SPIDR: variants seen among roughly 807,000 people sequenced by gnomAD.
SPIDR encodes scaffold protein involved in DNA repair, also known as DNA repair-scaffolding protein.
Under a neutral mutation model 104.6 loss-of-function variants are expected in SPIDR, and 93 were observed. That is an observed-to-expected ratio of 0.89 (90% CI 0.75 to 1.06). The LOEUF is 1.06. SPIDR is among the 50% of genes least tolerant of loss of function. SPIDR has a pLI of 0.00. For synonymous variants in SPIDR, 431 were observed against 416.9 expected (o/e 1.03, Z -0.41); for missense variants, 1,154 against 1,111.2 (o/e 1.04, Z -0.55).
At chr8:47,495,379 C>A (rs536454888) in intron 8 of SPIDR, among the ~76,000 whole-genome samples, 2 of 150,052 alleles carry the variant, frequency 1.3e-5, no homozygotes, top group East Asian at 1.9e-4. Flanking sequence ...TGCTTTACCC[C>A]CTCCCACCCA....
chr8:47,487,806 A>G (rs930810199), intron 8 of SPIDR, among the ~76,000 whole-genome samples: 14 of 152,306 alleles, frequency 9.2e-5, no homozygotes, highest in African/African-American at 3.1e-4. Flanking sequence ...TTTGAAACCA[A>G]CGAGAACAAA....
intron 2 of SPIDR, among the ~76,000 whole-genome samples, chr8:47,280,993 T>C (rs2037668970): frequency 1.3e-5 from 2 of 152,210 alleles, no homozygotes; most frequent in African/African-American, 2.4e-5. Flanking sequence ...TCTGGAGATA[T>C]TGCAGGTTTG....
chr8:47,476,659 G>C (rs189928928), intron 8 of SPIDR, among the ~76,000 whole-genome samples: 67 of 152,032 alleles, frequency 4.4e-4, no homozygotes, highest in African/African-American at 1.6e-3. Context: ...AACTAAGGGT[G>C]TGTCTAAGTC....
chr8:47,270,732 T>C (rs2035135894), intron 1 of SPIDR, among the ~76,000 whole-genome samples: 1 of 152,330 alleles, frequency 6.6e-6, no homozygotes, highest in Admixed American at 6.5e-5. Context: ...AGTACTGCTT[T>C]AGCTGCATCT....
intron 10 of SPIDR, among the ~76,000 whole-genome samples, chr8:47,643,059 T>C (rs1305621494): frequency 2.6e-5 from 4 of 152,240 alleles, no homozygotes; most frequent in African/African-American, 4.8e-5. Flanking sequence ...GGTTCTACTT[T>C]GTTCTACTGC....
intron 8 of SPIDR, among the ~76,000 whole-genome samples, chr8:47,560,476 C>T (rs1350924867): frequency 2.6e-5 from 4 of 152,140 alleles, no homozygotes; most frequent in Non-Finnish European, 5.9e-5. Context: ...GTCCTCAGTT[C>T]CCTGAAAAGC....
chr8:47,602,516 G>A (rs922128023), intron 10 of SPIDR, among the ~76,000 whole-genome samples: 6 of 152,146 alleles, frequency 3.9e-5, no homozygotes, highest in African/African-American at 1.2e-4. Context: ...AAGAAACAGC[G>A]GTGTCTTATG....
chr8:47,622,352 G>A (rs1306167121), intron 10 of SPIDR, among the ~76,000 whole-genome samples: 2 of 152,160 alleles, frequency 1.3e-5, no homozygotes, highest in Admixed American at 6.5e-5. Context: ...GAGACCCACC[G>A]CTTGGAGCAG....
In SPIDR at chr8:47,358,538, C is replaced by T. The variant is rs992133719; in HGVS notation, c.526-37838C>T. The stretch of plus-strand genomic sequence containing the variant: ...TGAGGTGTCAGAAGACAGGATCTAA[C>T]ACTAGATTTTAAGATTAAGGTTTGA... On this transcript the variant is annotated intron_variant, in intron 5 of 19. Transcript: ENST00000297423. Among the ~76,000 whole-genome samples the T allele has an allele frequency of 5.5e-4, 83 of 152,198 alleles. 1 individual carries two copies. The highest frequency in any genetic ancestry group is 1.9e-3 in the African/African-American group (77 of 41,512).
At chr8:47,454,789 C>T (rs2072626795) in intron 8 of SPIDR, among the ~76,000 whole-genome samples, 1 of 151,898 alleles carries the variant, frequency 6.6e-6, no homozygotes, top group Admixed American at 6.6e-5. Flanking sequence ...TTGCTGGAAC[C>T]CAGGAACTTG....
At chr8:47,584,477 A>G (rs2060063164) in intron 8 of SPIDR, among the ~76,000 whole-genome samples, 1 of 152,202 alleles carries the variant, frequency 6.6e-6, no homozygotes. Flanking sequence ...TCATTTTGTT[A>G]CTTAATAAGG....
intron 10 of SPIDR, among the ~76,000 whole-genome samples, chr8:47,642,467 C>T (rs1174292500): frequency 6.6e-6 from 1 of 151,698 alleles, no homozygotes; most frequent in African/African-American, 2.4e-5. Flanking sequence ...CTATGTGAGG[C>T]CAGTGAGTGA....
chr8:47,350,463 G>A (rs914125179), intron 5 of SPIDR, among the ~76,000 whole-genome samples: 13 of 152,106 alleles, frequency 8.5e-5, no homozygotes, highest in African/African-American at 2.7e-4. Context: ...ACAGGCGTGT[G>A]CCACCATGCC....
chr8:47,410,776 A>G lies in SPIDR; in HGVS notation c.877+2815A>G, dbSNP rs546910699. ...TGCACCCATTAACTCGTCATTTAGCATTACATATATCTCCTAATGTTATCC... is the reference window on the plus strand; with the variant it reads ...TGCACCCATTAACTCGTCATTTAGCGTTACATATATCTCCTAATGTTATCC... On this transcript the variant is annotated intron_variant, in intron 7 of 19. Coordinates refer to ENST00000297423, the MANE Select transcript of SPIDR (RefSeq NM_001080394.4). 3.9e-5 allele frequency among the ~76,000 whole-genome samples: 6 copies of G among 152,212 alleles called. No homozygotes were observed. The South Asian group carries it at 1.2e-3, about 32-fold the overall frequency.
At chr8:47,508,883 A>C (rs2081896876) in intron 8 of SPIDR, among the ~76,000 whole-genome samples, 1 of 152,102 alleles carries the variant, frequency 6.6e-6, no homozygotes, top group South Asian at 2.1e-4. Context: ...ATCCTTTGGG[A>C]ATGGGTAGAA....
In SPIDR at chr8:47,616,424, T is replaced by A. The variant is rs531580213; in HGVS notation, c.1544+17228T>A. ...TTCTGCACAGTATAATCACACTTTT[T>A]AAATTTTATATACTATATAGTTAGG... On this transcript the variant is annotated intron_variant, in intron 10 of 19. Transcript: ENST00000297423. Among the ~76,000 whole-genome samples the A allele has an allele frequency of 7.2e-5, 11 of 152,344 alleles. No homozygotes were observed. In the South Asian group the frequency reaches 2.1e-3, roughly 29 times the overall value.
chr8:47,284,077 G>A lies in SPIDR; in HGVS notation c.239G>A (p.Cys80Tyr). ...KTITEKHLEL[C>Y]PRPKQETTTS... The stretch of plus-strand genomic sequence containing the variant: ...ATTACAGAAAAGCACCTTGAATTAT[G>A]CCCTAGACCCAAGCAAGGTAACTAT... Residue 80 changes from cysteine to tyrosine, a missense_variant, in exon 3 of 20, where the codon TGC (cysteine) becomes TAC (tyrosine). Cys to Tyr is a radical substitution (Grantham distance 194, BLOSUM62 -2). Coordinates refer to ENST00000297423, the MANE Select transcript of SPIDR (RefSeq NM_001080394.4). 6.2e-7 allele frequency: 1 copy of A among 1,611,476 alleles called. No homozygotes were observed. Among genetic ancestry groups the A allele is most frequent in the Non-Finnish European group, 8.5e-7 (1 of 1,178,882 alleles).
rs568063576 is a variant in SPIDR, at chr8:47,503,994, C to T, written c.1097+63452C>T. ...CTCTTCTGGCTTGTAGAGTTTCTGC[C>T]GAGAGACCAGCTGTTAGTCTGATGG... On this transcript the variant is annotated intron_variant, in intron 8 of 19. Transcript: ENST00000297423. Among the ~76,000 whole-genome samples, 9 of 152,216 alleles carry T rather than the reference C, an allele frequency of 5.9e-5. No individual in the cohort carries two copies. In the South Asian group the frequency reaches 8.3e-4, roughly 14 times the overall value.
At chr8:47,499,955 C>G (rs545606439) in intron 8 of SPIDR, among the ~76,000 whole-genome samples, 9 of 152,278 alleles carry the variant, frequency 5.9e-5, no homozygotes, top group African/African-American at 1.9e-4. Flanking sequence ...ATCCATATCC[C>G]TACAAAGGAC....
Sources: allele counts gnomAD v4.1 joint callset (sites outside exome capture counted in the v4.1 genomes callset), GRCh38; gene constraint gnomAD v4.1.1; transcripts MANE v1.5; gene names NCBI Gene and HGNC (gene_info 2026-07-23, HGNC 2026-07-21).